Variants in OPALIN observed in about 807,000 individuals in gnomAD.
The protein encoded by OPALIN is transmembrane protein 10.
A neutral mutation model predicts 17.8 loss-of-function variants in OPALIN; 15 were observed. The ratio of observed to expected loss-of-function variants is 0.84; its 90% CI spans 0.56 to 1.29. OPALIN has a LOEUF of 1.29. Ranked by LOEUF, OPALIN falls within the 50% of genes most tolerant of loss-of-function variation. The probability of loss-of-function intolerance (pLI) is 0.00; values close to 1 mark genes in which losing one functional copy is unlikely to be tolerated. For missense variants in OPALIN, 170 were observed against 176.0 expected (o/e 0.97, Z 0.19); for synonymous variants, 62 against 63.8 (o/e 0.97, Z 0.14).
chr10:96,355,946 C>G (rs916857674), intron 1 of OPALIN, among the ~76,000 whole-genome samples: 1 of 152,186 alleles, frequency 6.6e-6, no homozygotes, highest in Non-Finnish European at 1.5e-5. Context: ...CAGTGGAGCA[C>G]CAAGTAGCCT....
chr10:96,354,658 A>T (rs1464814742), intron 2 of OPALIN, among the ~76,000 whole-genome samples: 4 of 150,558 alleles, frequency 2.7e-5, no homozygotes, highest in Admixed American at 2.6e-4. Flanking sequence ...GAAGGGTTAC[A>T]CCAGTTTTCT....
chr10:96,358,117 G>C (rs1845885473), intron 1 of OPALIN, among the ~76,000 whole-genome samples: 1 of 134,416 alleles, frequency 7.4e-6, no homozygotes, highest in South Asian at 2.5e-4. Flanking sequence ...AAGTGGTAGA[G>C]ATCAGGTTAG....
intron 1 of OPALIN, among the ~76,000 whole-genome samples, chr10:96,357,755 G>A (rs1412590890): frequency 2.0e-5 from 3 of 152,180 alleles, no homozygotes; most frequent in Non-Finnish European, 4.4e-5. Flanking sequence ...CCAGCACAGA[G>A]CTAAGGATAG....
At chr10:96,352,790 C>T (rs1423376742) in intron 2 of OPALIN, among the ~76,000 whole-genome samples, 2 of 151,814 alleles carry the variant, frequency 1.3e-5, no homozygotes, top group Non-Finnish European at 2.9e-5. Context: ...GACCTTGGAA[C>T]GGGGAACTTG....
At position 96,352,268 on chromosome 10, in the gene OPALIN, T is replaced by C. The variant is rs1180738236; in HGVS notation, c.40-858A>G. On this transcript the variant is annotated intron_variant, in intron 2 of 5. Coordinates refer to ENST00000371172, the MANE Select transcript of OPALIN (RefSeq NM_033207.5). ...CTGTCCAGATCTGTTATTTATTTAA[T>C]ACTCTCAGCAATCTCATCAAGTATA... is the stretch of plus-strand genomic sequence containing the variant. Among the ~76,000 whole-genome samples the C allele has an allele frequency of 3.3e-5, 5 of 152,142 alleles. 1 individual carries two copies. In the South Asian group the frequency reaches 8.3e-4, roughly 25 times the overall value.
chr10:96,348,899 T>C (rs1845453830), intron 4 of OPALIN, among the ~76,000 whole-genome samples: 1 of 152,196 alleles, frequency 6.6e-6, no homozygotes, highest in Non-Finnish European at 1.5e-5. Context: ...TCATCCATTA[T>C]CTCATTTCAT....
chr10:96,348,676 T>C (rs1039420055), intron 4 of OPALIN, among the ~76,000 whole-genome samples: 3 of 152,238 alleles, frequency 2.0e-5, no homozygotes, highest in Non-Finnish European at 4.4e-5. Flanking sequence ...AAATTGTTTT[T>C]GTTTTTTCAA....
In OPALIN at chr10:96,349,798, G is replaced by C. The variant is rs368645607; in HGVS notation, c.101C>G (p.Ala34Gly). 1.4e-5 allele frequency: 23 copies of C among 1,613,322 alleles called. No individual in the cohort carries two copies. Among genetic ancestry groups the C allele is most frequent in the Non-Finnish European group, 1.9e-5 (22 of 1,179,594 alleles). Reference sequence around the variant, plus strand: ...TGTGGCCACCAGCAATGGTATGCCCGCCGCTAATCCAAGAGAGGGCCCACA... The same window carrying C: ...TGTGGCCACCAGCAATGGTATGCCCCCCGCTAATCCAAGAGAGGGCCCACA... Reference protein sequence around the residue: ...TDCGPSLGLAAGIPLLVATAL... With the variant: ...TDCGPSLGLAGGIPLLVATAL... Residue 34 changes from alanine to glycine, a missense_variant, in exon 4 of 6, where the codon GCG (alanine) becomes GGG (glycine). Physicochemically the swap from Ala to Gly is moderately conservative, Grantham distance 60 (BLOSUM62 0). Transcript: ENST00000371172.
At position 96,345,975 on chromosome 10, in the gene OPALIN, A is replaced by C; in HGVS notation, c.392T>G (p.Leu131Trp). The change falls in exon 6 of 6, where the codon TTG becomes TGG. Residue 131 changes from leucine to tryptophan, a missense_variant. By Grantham distance (61) the Leu-to-Trp change is moderately conservative. Coordinates refer to ENST00000371172, the MANE Select transcript of OPALIN (RefSeq NM_033207.5). ...PTIEMERRRG[L>W]WWLVPRLSLE ...GCTCAGTCTGGGCACAAGCCACCAC[A>C]ATCCCCTCCTTCTTTCCATTTCTAT... The C allele has an allele frequency of 6.2e-7, 1 of 1,614,114 alleles. No individual in the cohort carries two copies. Among genetic ancestry groups the C allele is most frequent in the Admixed American group, 1.7e-5 (1 of 60,030 alleles).
intron 1 of OPALIN, among the ~76,000 whole-genome samples, chr10:96,358,176 A>G (rs1053741582): frequency 1.4e-5 from 1 of 70,064 alleles, no homozygotes; most frequent in Middle Eastern, 0.013. Context: ...CCTTTTAACA[A>G]TGCTTTTTGT....
intron 4 of OPALIN, among the ~76,000 whole-genome samples, 159 bp downstream of exon 4, chr10:96,349,548 G>A (rs148906173): frequency 2.6e-5 from 4 of 152,292 alleles, no homozygotes; most frequent in East Asian, 3.9e-4. Context: ...GGTGCCTAAT[G>A]TCATGTCTGC....
chr10:96,358,991 C>T lies in OPALIN; in HGVS notation c.-95G>A, dbSNP rs569406893. On this transcript the variant is annotated 5_prime_UTR_variant, in exon 1 of 6. Coordinates refer to ENST00000371172, the MANE Select transcript of OPALIN (RefSeq NM_033207.5). ...GGCTTGTGTCTTTCATTTGTAGGAACAGTTAACTGACAAAGCTGCAGAGGC... is the reference window on the plus strand; with the variant it reads ...GGCTTGTGTCTTTCATTTGTAGGAATAGTTAACTGACAAAGCTGCAGAGGC... The T allele has an allele frequency of 8.3e-6, 12 of 1,441,572 alleles. No homozygotes were observed. The African/African-American group carries it at 1.7e-4, about 20-fold the overall frequency. The allele number at this position is 1,441,572 out of a possible 1,614,324, so 89.3% of individuals were successfully genotyped here. A position where few individuals can be genotyped will look rare whatever the true frequency, so the allele number is the denominator to read the frequency against.
chr10:96,344,993 T>A lies in OPALIN; in HGVS notation c.*948A>T, dbSNP rs1158156615. On this transcript the variant is annotated 3_prime_UTR_variant, in exon 6 of 6. Transcript: ENST00000371172. Reference sequence around the variant, plus strand: ...TTTCCTGATTCATATGAGGACACGATCACACCTAGATTGGAAGATTCACAT... The same window carrying A: ...TTTCCTGATTCATATGAGGACACGAACACACCTAGATTGGAAGATTCACAT... 1 of 152,210 alleles carries A rather than the reference T, an allele frequency of 6.6e-6. No individual in the cohort carries two copies. Among genetic ancestry groups the A allele is most frequent in the East Asian group, 1.9e-4 (1 of 5,196 alleles). 9.4% of individuals were successfully genotyped at this position (152,210 alleles called of 1,614,324 possible).
At chr10:96,355,547 G>A (rs1396358338) in intron 1 of OPALIN, among the ~76,000 whole-genome samples, 1 of 152,188 alleles carries the variant, frequency 6.6e-6, no homozygotes, top group Non-Finnish European at 1.5e-5. Flanking sequence ...CAGATGAAGA[G>A]GCAGCCTGCA....
intron 5 of OPALIN, 40 bp from the exon 6 acceptor site, chr10:96,346,157 G>T (rs370302303): frequency 6.3e-7 from 1 of 1,583,662 alleles, no homozygotes; most frequent in Non-Finnish European, 8.7e-7. Flanking sequence ...CTACAGCAGA[G>T]AATTCTTTCA....
rs555337820 is a variant in OPALIN at position 96,357,139 on chromosome 10, ACACTGGATGGTCGCTG to A, written c.3+1739_3+1754del. The stretch of plus-strand genomic sequence containing the variant: ...CACCAGACCAACACGTGCTGCAAGG[ACACTGGATGGTCGCTG>A]CACTGAATGCAGCTGCCCAGAGCTT... On this transcript the variant is annotated intron_variant, in intron 1 of 5. Coordinates refer to ENST00000371172, the MANE Select transcript of OPALIN (RefSeq NM_033207.5). 5.0e-4 allele frequency: 489 copies of A among 985,456 alleles called. No individual in the cohort carries two copies. The African/African-American group carries it at 7.8e-3, about 16-fold the overall frequency. 61.0% of individuals were successfully genotyped at this position (985,456 alleles called of 1,614,324 possible).
chr10:96,346,013 A>G lies in OPALIN; in HGVS notation c.354T>C (p.Arg118=), dbSNP rs776368090. The G allele has an allele frequency of 1.2e-5, 19 of 1,614,198 alleles. No individual in the cohort carries two copies. The highest frequency in any genetic ancestry group is 1.6e-5 in the Non-Finnish European group (19 of 1,180,016). ...TTTCCATTTCTATAGTAGGACGGTA[A>G]CGGTCATGCACAGGTTCCTCGCTTC... is the stretch of plus-strand genomic sequence containing the variant. ...VAGSEEPVHD[R]YRPTIEMERR... The change falls in exon 6 of 6, where the codon CGT becomes CGC. Residue 118 remains arginine, a synonymous_variant. Coordinates refer to ENST00000371172, the MANE Select transcript of OPALIN (RefSeq NM_033207.5).
At chr10:96,346,588 T>A (rs1245475858) in intron 5 of OPALIN, among the ~76,000 whole-genome samples, 1 of 152,248 alleles carries the variant, frequency 6.6e-6, no homozygotes, top group Non-Finnish European at 1.5e-5. Flanking sequence ...TCTTGCTATT[T>A]GTTTTCTGTT....
chr10:96,346,162 C>A (rs79385816), intron 5 of OPALIN, 45 bp from the exon 6 acceptor site: 17 of 1,572,326 alleles, frequency 1.1e-5, no homozygotes, highest in Middle Eastern at 1.7e-4. Flanking sequence ...GCAGAGAATT[C>A]TTTCATACAA....
Sources: allele counts gnomAD v4.1 joint callset (sites outside exome capture counted in the v4.1 genomes callset), GRCh38; gene constraint gnomAD v4.1.1; transcripts MANE v1.5; gene names NCBI Gene and HGNC (gene_info 2026-07-23, HGNC 2026-07-21).